Variants in NRG2 observed in about 807,000 individuals in gnomAD.
The protein encoded by NRG2 is neuregulin 2, also known as pro-neuregulin-2, membrane-bound isoform.
NRG2 carries 27 observed loss-of-function variants against 73.9 expected under a neutral mutation model. The ratio of observed to expected loss-of-function variants is 0.37; its 90% CI spans 0.27 to 0.50. NRG2 has a LOEUF of 0.50. NRG2 is among the 20% of genes least tolerant of loss of function. The probability of loss-of-function intolerance (pLI) is 0.96; values close to 1 mark genes in which losing one functional copy is unlikely to be tolerated. For missense variants in NRG2, 1,126 were observed against 1,210.1 expected (o/e 0.93, Z 1.03); for synonymous variants, 532 against 541.0 (o/e 0.98, Z 0.23).
intron 1 of NRG2, among the ~76,000 whole-genome samples, chr5:139,933,210 G>T (rs1318755170): frequency 6.6e-6 from 1 of 152,184 alleles, no homozygotes; most frequent in Non-Finnish European, 1.5e-5. Context: ...AGGAGGTGGA[G>T]GTTGCAGTGA....
chr5:139,934,491 TCAAAA>T (rs943085902), intron 1 of NRG2, among the ~76,000 whole-genome samples: 85 of 149,342 alleles, frequency 5.7e-4, no homozygotes, highest in African/African-American at 2.0e-3. Context: ...TAAAAACAAA[TCAAAA>T]CAAAGCAAAA....
At chr5:139,874,568 T>C (rs963403872) in intron 3 of NRG2, among the ~76,000 whole-genome samples, 3 of 152,254 alleles carry the variant, frequency 2.0e-5, no homozygotes, top group Admixed American at 6.5e-5. Flanking sequence ...GTCTCTTTCT[T>C]TGATGGCCAC....
intron 5 of NRG2, among the ~76,000 whole-genome samples, chr5:139,862,155 G>A (rs1762186946): frequency 6.6e-6 from 1 of 152,234 alleles, no homozygotes; most frequent in Non-Finnish European, 1.5e-5. Flanking sequence ...GGAGAAGTGA[G>A]CAGGGCTCCC....
At chr5:140,028,369 T>TGAAAGTGTTACCAATTTTTTAAAAC (rs1760867405) in intron 1 of NRG2, among the ~76,000 whole-genome samples, 1 of 152,254 alleles carries the variant, frequency 6.6e-6, no homozygotes, top group African/African-American at 2.4e-5. Flanking sequence ...CATTTTAAAA[T>TGAAAGTGTTACCAATTTTTTAAAAC]GTAAGTGTTA....
At chr5:139,986,596 A>G (rs1243369599) in intron 1 of NRG2, among the ~76,000 whole-genome samples, 1 of 152,040 alleles carries the variant, frequency 6.6e-6, no homozygotes, top group East Asian at 1.9e-4. Context: ...TCAACTGCAC[A>G]CCTAAAAGGG....
intron 1 of NRG2, among the ~76,000 whole-genome samples, chr5:139,948,589 T>C (rs1026682756): frequency 6.6e-6 from 1 of 152,238 alleles, no homozygotes; most frequent in Non-Finnish European, 1.5e-5. Context: ...GCATCTGCAA[T>C]GTTGTATCTA....
chr5:139,985,752 G>T lies in NRG2; in HGVS notation c.700+56618C>A, dbSNP rs546626054. 5.3e-5 allele frequency among the ~76,000 whole-genome samples: 8 copies of T among 152,200 alleles called. No individual in the cohort carries two copies. In the East Asian group the frequency reaches 1.5e-3, roughly 29 times the overall value. On this transcript the variant is annotated intron_variant, in intron 1 of 9. Coordinates refer to ENST00000361474, the MANE Select transcript of NRG2 (RefSeq NM_004883.3). ...TGTGAAAGCCAAGCCCCCTCTCCTCGAGCTCTATCCAGAGTTGCTTCTTCC... is the reference window on the plus strand; with the variant it reads ...TGTGAAAGCCAAGCCCCCTCTCCTCTAGCTCTATCCAGAGTTGCTTCTTCC...
At chr5:139,993,446 C>CT (rs1329824451) in intron 1 of NRG2, among the ~76,000 whole-genome samples, 3 of 152,178 alleles carry the variant, frequency 2.0e-5, no homozygotes, top group African/African-American at 7.2e-5. Context: ...TCCTGGAATG[C>CT]TTTTTCCTAA....
chr5:139,973,435 G>A (rs951753713), intron 1 of NRG2, among the ~76,000 whole-genome samples: 2 of 152,068 alleles, frequency 1.3e-5, no homozygotes, highest in Admixed American at 6.5e-5. Context: ...ACAGCTCACT[G>A]CAGCTCAGCT....
At chr5:139,992,324 T>C (rs1293646627) in intron 1 of NRG2, among the ~76,000 whole-genome samples, 1 of 152,258 alleles carries the variant, frequency 6.6e-6, no homozygotes, top group Non-Finnish European at 1.5e-5. Context: ...TTTTACATAT[T>C]CATCTTATAT....
In NRG2 at chr5:139,852,770, G is replaced by T; in HGVS notation, c.1416+134C>A. The T allele has an allele frequency of 6.7e-7, 1 of 1,483,354 alleles. No homozygotes were observed. 91.9% of individuals were successfully genotyped at this position (1,483,354 alleles called of 1,614,324 possible). A position where few individuals can be genotyped will look rare whatever the true frequency, so the allele number is the denominator to read the frequency against. On this transcript the variant is annotated intron_variant, in intron 7 of 9. Coordinates refer to ENST00000361474, the MANE Select transcript of NRG2 (RefSeq NM_004883.3). This position sits in a 1 kb window ranked among gnomAD's most constrained non-coding sequence, Gnocchi z 4.4. ...TGAGCAAACCAAGGCCAGCCATCCT[G>T]GTGAGGCAGTGCCTAGCAGGCAAGG...
intron 1 of NRG2, among the ~76,000 whole-genome samples, chr5:140,042,009 T>C (rs1761962677): frequency 6.6e-6 from 1 of 151,990 alleles, no homozygotes; most frequent in Admixed American, 6.5e-5. Flanking sequence ...CGAGGGTCAC[T>C]CCTGACTCAC....
At chr5:140,027,725 T>C (rs1208025980) in intron 1 of NRG2, among the ~76,000 whole-genome samples, 1 of 152,224 alleles carries the variant, frequency 6.6e-6, no homozygotes, top group African/African-American at 2.4e-5. Flanking sequence ...CCTAGTACTA[T>C]CTGTGGTTTC....
At position 139,847,909 on chromosome 5, in the gene NRG2, G is replaced by A; in HGVS notation, c.*8C>T. The A allele has an allele frequency of 7.0e-7, 1 of 1,432,200 alleles. No homozygotes were observed. The highest frequency in any genetic ancestry group is 9.1e-7 in the Non-Finnish European group (1 of 1,100,008). The allele number at this position is 1,432,200 out of a possible 1,614,324, so 88.7% of individuals were successfully genotyped here. On this transcript the variant is annotated 3_prime_UTR_variant, in exon 10 of 10. Transcript: ENST00000361474. ...GGCGGGCGGGGCGGAGGGGCGCGCG[G>A]CGGGGCCCTAGAGTGGCGCCGAGTC...
chr5:139,881,052 G>A, intron 2 of NRG2, 78 bp from the exon 3 acceptor site: 2 of 1,216,414 alleles, frequency 1.6e-6, no homozygotes, highest in Non-Finnish European at 2.4e-6. Flanking sequence ...CCCAGCGGTT[G>A]CCTCTCTCCA....
At chr5:139,951,207 C>G (rs1754171775) in intron 1 of NRG2, among the ~76,000 whole-genome samples, 1 of 152,242 alleles carries the variant, frequency 6.6e-6, no homozygotes, top group African/African-American at 2.4e-5. Flanking sequence ...CCAAGTCCCT[C>G]ACTTTCTGTG....
intron 1 of NRG2, among the ~76,000 whole-genome samples, chr5:139,930,171 A>C (rs1317678738): frequency 6.6e-6 from 1 of 152,226 alleles, no homozygotes; most frequent in African/African-American, 2.4e-5. Flanking sequence ...ATTGTCTTTC[A>C]GACCCAAGTA....
intron 1 of NRG2, among the ~76,000 whole-genome samples, chr5:140,026,777 T>C (rs77800543): frequency 2.6e-5 from 4 of 152,068 alleles, no homozygotes; most frequent in African/African-American, 9.7e-5. Flanking sequence ...GAGTCAAAGA[T>C]GATTTTGACA....
At chr5:139,931,556 T>G (rs1580757762) in intron 1 of NRG2, among the ~76,000 whole-genome samples, 6 of 152,282 alleles carry the variant, frequency 3.9e-5, no homozygotes, top group Admixed American at 3.9e-4. Flanking sequence ...CCAAGTTAAT[T>G]TTGAAGGAAC....
Sources: gnomAD v4.1 joint callset for allele counts (sites outside exome capture counted in the v4.1 genomes callset) on GRCh38, gnomAD v4.1.1 for gene constraint, Gnocchi (gnomAD v3.1) non-coding constraint, MANE v1.5 for transcripts, NCBI Gene and HGNC (gene_info 2026-07-23, HGNC 2026-07-21) for gene names.